Variants in SAMD12 observed in about 807,000 individuals in gnomAD.
SAMD12 encodes sterile alpha motif domain-containing protein 12.
In SAMD12, 9 loss-of-function variants were observed where a neutral mutation model predicts 15.0. The ratio of observed to expected loss-of-function variants is 0.60; its 90% CI spans 0.36 to 1.05. SAMD12 has a LOEUF of 1.05. Ranked by LOEUF, SAMD12 falls within the 50% of genes least tolerant of loss-of-function variation. The pLI is 0.01. For synonymous variants in SAMD12, 86 were observed against 90.1 expected, an observed-to-expected ratio of 0.96 and a Z score of 0.25; for missense variants, 230 against 234.2, an observed-to-expected ratio of 0.98 and a Z score of 0.12.
intron 4 of SAMD12, among the ~76,000 whole-genome samples, chr8:118,201,675 G>T (rs1206120496): frequency 6.6e-6 from 1 of 152,194 alleles, no homozygotes; most frequent in African/African-American, 2.4e-5. Context: ...AACTAATGTT[G>T]CATGAGATTC....
chr8:118,405,951 CTTTT>C (rs894759041), intron 3 of SAMD12, among the ~76,000 whole-genome samples: 2 of 151,824 alleles, frequency 1.3e-5, no homozygotes, highest in African/African-American at 2.4e-5. Flanking sequence ...ATATTGTTTA[CTTTT>C]TTTTGGTTTT....
intron 4 of SAMD12, among the ~76,000 whole-genome samples, chr8:118,309,858 T>A (rs546522915): frequency 4.6e-5 from 7 of 152,366 alleles, no homozygotes; most frequent in Admixed American, 4.6e-4. Flanking sequence ...AGGACATTAA[T>A]TCCTCTCTCC....
At chr8:118,328,704 T>C (rs748566710) in intron 4 of SAMD12, among the ~76,000 whole-genome samples, 28 of 152,188 alleles carry the variant, frequency 1.8e-4, no homozygotes, top group Non-Finnish European at 7.3e-5. Flanking sequence ...CTTTTGCCCT[T>C]GACATCAACA....
At chr8:118,435,068 A>G (rs1209850667) in intron 3 of SAMD12, among the ~76,000 whole-genome samples, 1 of 23,918 alleles carries the variant, frequency 4.2e-5, no homozygotes, top group East Asian at 7.6e-4. Context: ...CCGCCACTGC[A>G]CTCCAGCCTG....
At chr8:118,296,043 T>C (rs943470217) in intron 4 of SAMD12, among the ~76,000 whole-genome samples, 1 of 152,060 alleles carries the variant, frequency 6.6e-6, no homozygotes, top group Non-Finnish European at 1.5e-5. Context: ...AAAATATAGG[T>C]AATAGAAAAA....
chr8:118,287,186 T>C (rs978378367), intron 4 of SAMD12, among the ~76,000 whole-genome samples: 1 of 149,938 alleles, frequency 6.7e-6, no homozygotes, highest in African/African-American at 2.5e-5. Context: ...CTACAGTGGC[T>C]CTATCTCGGC....
intron 2 of SAMD12, among the ~76,000 whole-genome samples, chr8:118,481,423 TGGTTG>T (rs1824124126): frequency 1.3e-5 from 2 of 152,236 alleles, no homozygotes; most frequent in East Asian, 3.9e-4. Context: ...GCAGGTTAGC[TGGTTG>T]GCTGCTAAAC....
intron 4 of SAMD12, among the ~76,000 whole-genome samples, chr8:118,313,801 C>T (rs573984975): frequency 4.6e-5 from 7 of 151,656 alleles, no homozygotes; most frequent in Admixed American, 2.0e-4. Context: ...AAAGAAAAAA[C>T]GCTGAAATGC....
In SAMD12 at chr8:118,395,765, C is replaced by T. The variant is rs973567989; in HGVS notation, c.323-16065G>A. On this transcript the variant is annotated intron_variant, in intron 3 of 3. Coordinates refer to ENST00000314727, the MANE Select transcript of SAMD12 (RefSeq NM_207506.3). ...TGAGGTCTGGAGATTGAGACCATCCCGGCTAACACGGTGAAACCCCATCTC... is the reference window on the plus strand; with the variant it reads ...TGAGGTCTGGAGATTGAGACCATCCTGGCTAACACGGTGAAACCCCATCTC... Among the ~76,000 whole-genome samples, 6 of 151,988 alleles carry T rather than the reference C, an allele frequency of 3.9e-5. No homozygotes were observed. The East Asian group carries it at 5.8e-4, about 15-fold the overall frequency.
At chr8:118,537,833 A>C (rs139297211) in intron 2 of SAMD12, among the ~76,000 whole-genome samples, 3 of 152,214 alleles carry the variant, frequency 2.0e-5, no homozygotes, top group Admixed American at 2.0e-4. Context: ...TTGTTGAGGT[A>C]ATGTTTTCCT....
chr8:118,476,509 T>A (rs1823964737), intron 2 of SAMD12, among the ~76,000 whole-genome samples: 3 of 152,172 alleles, frequency 2.0e-5, no homozygotes, highest in Admixed American at 2.0e-4. Flanking sequence ...AGATGAGACA[T>A]CTTTAATTCT....
At chr8:118,301,248 T>C (rs780265539) in intron 4 of SAMD12, among the ~76,000 whole-genome samples, 3 of 152,188 alleles carry the variant, frequency 2.0e-5, no homozygotes, top group Admixed American at 6.5e-5. Flanking sequence ...GTAGTCAACA[T>C]GGGGACCTAT....
intron 4 of SAMD12, among the ~76,000 whole-genome samples, chr8:118,252,378 G>A (rs1310526202): frequency 6.6e-6 from 1 of 152,088 alleles, no homozygotes; most frequent in Admixed American, 6.6e-5. Flanking sequence ...TTACAAATGA[G>A]GTCTTACTCT....
At chr8:118,241,313 A>G (rs13267916) in intron 4 of SAMD12, among the ~76,000 whole-genome samples, 16,490 of 152,124 alleles carry the variant, frequency 0.11, 1,256 homozygotes, top group Non-Finnish European at 0.16. Flanking sequence ...AAAACCATAA[A>G]TTATCTGTAC....
At chr8:118,573,765 A>G (rs1242378785) in intron 2 of SAMD12, among the ~76,000 whole-genome samples, 2 of 152,224 alleles carry the variant, frequency 1.3e-5, no homozygotes, top group African/African-American at 4.8e-5. Context: ...GAGGAGCTAA[A>G]GATAACCAAA....
intron 4 of SAMD12, among the ~76,000 whole-genome samples, chr8:118,206,046 T>C (rs532914525): frequency 6.6e-6 from 1 of 152,344 alleles, no homozygotes. Flanking sequence ...ATTGAATCTC[T>C]AGATTCCGAG....
chr8:118,368,403 A>T (rs1586612926), intron 4 of SAMD12, among the ~76,000 whole-genome samples: 1 of 152,324 alleles, frequency 6.6e-6, no homozygotes, highest in South Asian at 2.1e-4. Flanking sequence ...TGGTCATAGA[A>T]GAAGGTTCAC....
At chr8:118,176,949 T>C in the SAMD12 span, among the ~76,000 whole-genome samples, 1 of 152,190 alleles carries the variant, frequency 6.6e-6, no homozygotes, top group South Asian at 2.1e-4. Context: ...ATTTGGGTGA[T>C]GAAAAAGTTT....
At chr8:118,424,371 C>T (rs1222673313) in intron 3 of SAMD12, among the ~76,000 whole-genome samples, 6 of 151,946 alleles carry the variant, frequency 3.9e-5, no homozygotes, top group African/African-American at 7.3e-5. Context: ...TTATAAGATA[C>T]GTATTATCAT....
Sources: allele counts gnomAD v4.1 joint callset (sites outside exome capture counted in the v4.1 genomes callset), GRCh38; gene constraint gnomAD v4.1.1; transcripts MANE v1.5; gene names NCBI Gene and HGNC (gene_info 2026-07-23, HGNC 2026-07-21).